Variants in ZCCHC24 observed in about 807,000 individuals in gnomAD.
ZCCHC24 encodes the protein zinc finger CCHC-type containing 24.
Under a neutral mutation model 26.2 loss-of-function variants are expected in ZCCHC24, and 10 were observed. The ratio of observed to expected loss-of-function variants is 0.38; its 90% CI spans 0.24 to 0.65. ZCCHC24 has a LOEUF of 0.65. ZCCHC24 is among the 30% of genes least tolerant of loss of function. The pLI, the probability that ZCCHC24 is intolerant of heterozygous loss-of-function variation, is 0.54. For synonymous variants in ZCCHC24, 144 were observed against 147.1 expected (o/e 0.98, Z 0.15); for missense variants, 243 against 329.1 (o/e 0.74, Z 2.03).
chr10:79,387,324 A>G (rs915241291), intron 3 of ZCCHC24, among the ~76,000 whole-genome samples: 1 of 152,150 alleles, frequency 6.6e-6, no homozygotes, highest in African/African-American at 2.4e-5. Flanking sequence ...GGATCCAGAG[A>G]GACGTCTGGG....
At chr10:79,397,859 G>A (rs1856567561) in intron 2 of ZCCHC24, among the ~76,000 whole-genome samples, 1 of 152,174 alleles carries the variant, frequency 6.6e-6, no homozygotes, top group Non-Finnish European at 1.5e-5. Flanking sequence ...TGGGGACTGG[G>A]GCCAGACTGG....
chr10:79,414,612 C>A (rs564262991), intron 2 of ZCCHC24, among the ~76,000 whole-genome samples: 10 of 152,116 alleles, frequency 6.6e-5, no homozygotes, highest in Non-Finnish European at 1.3e-4. Flanking sequence ...CTTGCATTCC[C>A]AGGACCTCAG....
intron 2 of ZCCHC24, among the ~76,000 whole-genome samples, chr10:79,431,683 T>C (rs1006666187): frequency 6.6e-6 from 1 of 152,180 alleles, no homozygotes; most frequent in Non-Finnish European, 1.5e-5. Context: ...ACACGTCAGT[T>C]TCCAACATCT....
At chr10:79,408,135 T>A (rs1371434444) in intron 2 of ZCCHC24, among the ~76,000 whole-genome samples, 1 of 152,178 alleles carries the variant, frequency 6.6e-6, no homozygotes, top group Non-Finnish European at 1.5e-5. Flanking sequence ...CAGCTCCCAG[T>A]GGGCCCAGCT....
At chr10:79,410,106 TGCTG>T in intron 2 of ZCCHC24, among the ~76,000 whole-genome samples, 1 of 152,350 alleles carries the variant, frequency 6.6e-6, no homozygotes, top group South Asian at 2.1e-4. Context: ...CCTCTGCACT[TGCTG>T]TTCCCTCTGC....
At chr10:79,398,707 T>C (rs555412117) in intron 2 of ZCCHC24, among the ~76,000 whole-genome samples, 1 of 152,308 alleles carries the variant, frequency 6.6e-6, no homozygotes, top group South Asian at 2.1e-4. Flanking sequence ...CTGGGGACAC[T>C]GCTGGCAGAG....
intron 1 of ZCCHC24, among the ~76,000 whole-genome samples, chr10:79,442,233 G>A (rs1857299573): frequency 6.6e-6 from 1 of 152,166 alleles, no homozygotes. Flanking sequence ...TGTGCAAGGT[G>A]CTTGTGTCCG....
intron 2 of ZCCHC24, among the ~76,000 whole-genome samples, chr10:79,427,595 A>G (rs910474267): frequency 6.8e-6 from 1 of 146,676 alleles, no homozygotes; most frequent in African/African-American, 2.6e-5. Context: ...CCAGTGAGTC[A>G]AAGAGGAAAT....
At position 79,383,173 on chromosome 10, in the gene ZCCHC24, T is replaced by C. The variant is rs1856344922; in HGVS notation, c.*3172A>G. On this transcript the variant is annotated 3_prime_UTR_variant, in exon 4 of 4. Transcript: ENST00000372336. ...GGCAATACTTTCCAAAATACACATA[T>C]GTATAAATACAGGACAAGAACATAT... 1 of 152,762 alleles carries C rather than the reference T, an allele frequency of 6.5e-6. No homozygotes were observed. Among genetic ancestry groups the C allele is most frequent in the South Asian group, 2.1e-4 (1 of 4,830 alleles). 9.5% of individuals were successfully genotyped at this position (152,762 alleles called of 1,614,324 possible).
At chr10:79,401,951 A>C (rs566852012) in intron 2 of ZCCHC24, among the ~76,000 whole-genome samples, 192 of 152,304 alleles carry the variant, frequency 1.3e-3, no homozygotes, top group East Asian at 0.011. Flanking sequence ...CTACCTTCCC[A>C]GAGAGCAAGA....
At chr10:79,415,260 C>T (rs1029408088) in intron 2 of ZCCHC24, among the ~76,000 whole-genome samples, 7 of 152,100 alleles carry the variant, frequency 4.6e-5, no homozygotes, top group Admixed American at 6.5e-5. Context: ...GAAGAGGGGC[C>T]CCAGGCACAG....
intron 3 of ZCCHC24, among the ~76,000 whole-genome samples, chr10:79,393,212 T>C (rs112728420): frequency 0.014 from 2,071 of 152,354 alleles, 23 homozygotes; most frequent in South Asian, 0.024. Context: ...CATCTTGACT[T>C]CTCACATGAG....
intron 2 of ZCCHC24, among the ~76,000 whole-genome samples, chr10:79,414,091 C>A (rs1856831124): frequency 6.6e-6 from 1 of 152,322 alleles, no homozygotes; most frequent in East Asian, 1.9e-4. Flanking sequence ...CTCTCCAGGC[C>A]AAGGAGGTGA....
rs1447579629 is a variant in ZCCHC24 at position 79,383,812 on chromosome 10, G to A, written c.*2533C>T. The stretch of plus-strand genomic sequence containing the variant: ...CATATTTTTTTAAAAAAGGAATTCT[G>A]TGTCAAGTATAACTCAAAATAAATA... On this transcript the variant is annotated 3_prime_UTR_variant, in exon 4 of 4. Coordinates refer to ENST00000372336, the MANE Select transcript of ZCCHC24 (RefSeq NM_153367.4). The A allele has an allele frequency of 6.6e-6, 1 of 152,456 alleles. No individual in the cohort carries two copies. Among genetic ancestry groups the A allele is most frequent in the South Asian group, 2.1e-4 (1 of 4,826 alleles). 9.4% of individuals were successfully genotyped at this position (152,456 alleles called of 1,614,324 possible). A position where few individuals can be genotyped will look rare whatever the true frequency, so the allele number is the denominator to read the frequency against.
intron 2 of ZCCHC24, among the ~76,000 whole-genome samples, chr10:79,422,391 C>G (rs958953096): frequency 1.3e-5 from 2 of 152,292 alleles, no homozygotes; most frequent in South Asian, 2.1e-4. Flanking sequence ...CTCCAACAGC[C>G]TACTCCCTTC....
chr10:79,415,302 A>G (rs1716994068), intron 2 of ZCCHC24, among the ~76,000 whole-genome samples: 1 of 152,120 alleles, frequency 6.6e-6, no homozygotes, highest in Non-Finnish European at 1.5e-5. Flanking sequence ...TTGCTATGTG[A>G]CCTTAGGTGA....
At chr10:79,387,046 C>T (rs1260324570) in intron 3 of ZCCHC24, among the ~76,000 whole-genome samples, 4 of 152,296 alleles carry the variant, frequency 2.6e-5, no homozygotes, top group South Asian at 2.1e-4. Context: ...AAGCCTAACC[C>T]GGACACAGTC....
intron 1 of ZCCHC24, chr10:79,444,261 G>A: frequency 1.4e-6 from 2 of 1,445,842 alleles, no homozygotes; most frequent in Non-Finnish European, 1.8e-6. Flanking sequence ...TGGAGGGAGG[G>A]GAGGAGTCCA....
intron 2 of ZCCHC24, 71 bp downstream of exon 2, chr10:79,432,487 C>A: frequency 1.3e-6 from 2 of 1,513,770 alleles, no homozygotes; most frequent in Non-Finnish European, 1.8e-6. Flanking sequence ...TTCGCCTGCC[C>A]TACCCACAGG....
Sources: allele counts gnomAD v4.1 joint callset (sites outside exome capture counted in the v4.1 genomes callset), GRCh38; gene constraint gnomAD v4.1.1; transcripts MANE v1.5; gene names NCBI Gene and HGNC (gene_info 2026-07-23, HGNC 2026-07-21).